The following ZC4H2 variants were observed in gnomAD, a reference collection of about 807,000 sequenced individuals.
ZC4H2 encodes the protein zinc finger C4H2 domain-containing protein.
For missense variants in ZC4H2, 137 were observed against 173.9 expected, an observed-to-expected ratio of 0.79 and a Z score of 1.19; for synonymous variants, 84 against 66.3, an observed-to-expected ratio of 1.27 and a Z score of -1.30.
At chrX:64,990,442 T>C (rs1484037758) in intron 1 of ZC4H2, among the ~76,000 whole-genome samples, 1 of 111,432 alleles carries the variant, frequency 9.0e-6, no homozygotes, top group African/African-American at 3.3e-5. Context: ...TTCTGTATCT[T>C]GATTATATTA....
At chrX:64,947,856 TTTTG>T (rs1470368703) in intron 1 of ZC4H2, among the ~76,000 whole-genome samples, 1 of 110,729 alleles carries the variant, frequency 9.0e-6, no homozygotes, top group Non-Finnish European at 1.9e-5. Flanking sequence ...TTTTTTTTTT[TTTTG>T]TTTATAAATC....
At chrX:64,930,770 T>C (rs1602390715) in intron 1 of ZC4H2, among the ~76,000 whole-genome samples, 2 of 111,830 alleles carry the variant, frequency 1.8e-5, no homozygotes, top group East Asian at 5.6e-4. Context: ...GGGTAGCTAG[T>C]ATTTTGCTGA....
chrX:64,928,415 C>T (rs766403166), intron 1 of ZC4H2, among the ~76,000 whole-genome samples: 2 of 111,849 alleles, frequency 1.8e-5, no homozygotes, highest in Non-Finnish European at 3.8e-5. Context: ...TCAGGTTTGT[C>T]AAAGATCAGA....
At chrX:64,920,973 T>C (rs982256563) in intron 2 of ZC4H2, among the ~76,000 whole-genome samples, 40 of 112,274 alleles carry the variant, frequency 3.6e-4, no homozygotes, top group Non-Finnish European at 1.1e-4. Flanking sequence ...CCTGTATCAT[T>C]GGTTAGCTGG....
intron 1 of ZC4H2, among the ~76,000 whole-genome samples, chrX:65,018,862 C>T (rs942537814): frequency 1.3e-4 from 14 of 111,455 alleles, no homozygotes; most frequent in Admixed American, 5.7e-4. Flanking sequence ...GGGGCGTCTG[C>T]CATTGCTGAG....
intron 1 of ZC4H2, among the ~76,000 whole-genome samples, chrX:64,968,711 G>A (rs770685959): frequency 6.3e-5 from 7 of 111,577 alleles, no homozygotes; most frequent in Non-Finnish European, 1.1e-4. Context: ...GGTACTTTAG[G>A]GTTTCTACAG....
intron 1 of ZC4H2, among the ~76,000 whole-genome samples, chrX:64,968,922 C>T (rs1931682725): frequency 1.8e-5 from 2 of 111,630 alleles, no homozygotes; most frequent in African/African-American, 6.5e-5. Flanking sequence ...CTTGGTCTCT[C>T]CTTCCAAGAT....
chrX:65,025,607 C>T (rs1045418705), intron 1 of ZC4H2, among the ~76,000 whole-genome samples: 1 of 111,175 alleles, frequency 9.0e-6, no homozygotes, highest in African/African-American at 3.3e-5. Context: ...CAACCAATGC[C>T]CCAAAATATG....
At chrX:64,982,927 C>T (rs1223810246) in intron 1 of ZC4H2, among the ~76,000 whole-genome samples, 2 of 112,376 alleles carry the variant, frequency 1.8e-5, no homozygotes, top group Admixed American at 1.9e-4. Flanking sequence ...AAACAATAGA[C>T]CAAACCTTAT....
chrX:65,027,595 G>A (rs1932892432), intron 1 of ZC4H2, among the ~76,000 whole-genome samples: 2 of 111,265 alleles, frequency 1.8e-5, no homozygotes, highest in South Asian at 7.7e-4. Flanking sequence ...TGACCTTTAT[G>A]TTTTTGGTTT....
chrX:64,944,803 T>C (rs952352195), intron 1 of ZC4H2, among the ~76,000 whole-genome samples: 4 of 112,171 alleles, frequency 3.6e-5, no homozygotes, highest in Non-Finnish European at 7.5e-5. Context: ...TCTAATCTTG[T>C]CTTCATGCTT....
intron 1 of ZC4H2, among the ~76,000 whole-genome samples, chrX:64,988,931 T>TTCTA (rs201432572): frequency 0.23 from 25,877 of 110,951 alleles, 7,420 homozygotes; most frequent in African/African-American, 0.81. Flanking sequence ...AGTTTCAGCT[T>TTCTA]TATATGGCTA....
intron 1 of ZC4H2, among the ~76,000 whole-genome samples, chrX:64,996,468 G>T (rs188121937): frequency 1.8e-5 from 2 of 110,734 alleles, no homozygotes; most frequent in African/African-American, 3.3e-5. Flanking sequence ...AACAGGAAAA[G>T]AAAGCTTATT....
chrX:64,949,182 A>G (rs186322767), intron 1 of ZC4H2, among the ~76,000 whole-genome samples: 50 of 111,865 alleles, frequency 4.5e-4, no homozygotes, highest in African/African-American at 1.6e-3. Flanking sequence ...TGCCAGGGTG[A>G]AATTTTGCTT....
At chrX:64,942,620 T>C (rs1209841844) in intron 1 of ZC4H2, among the ~76,000 whole-genome samples, 1 of 110,538 alleles carries the variant, frequency 9.0e-6, no homozygotes, top group Non-Finnish European at 1.9e-5. Flanking sequence ...CTGAGAATGA[T>C]GGTTTTCAGC....
intron 1 of ZC4H2, among the ~76,000 whole-genome samples, chrX:64,952,548 T>C (rs181848084): frequency 3.0e-3 from 328 of 111,164 alleles, no homozygotes; most frequent in Admixed American, 5.0e-3. Flanking sequence ...AGCCAAATCA[T>C]GAGTGAACTC....
intron 1 of ZC4H2, among the ~76,000 whole-genome samples, chrX:64,962,657 C>CA (rs1283918101): frequency 9.0e-6 from 1 of 111,216 alleles, no homozygotes; most frequent in African/African-American, 3.3e-5. Flanking sequence ...CAAAAAATTC[C>CA]AAAAAGATTG....
At chrX:64,940,230 A>T (rs7887272) in intron 1 of ZC4H2, among the ~76,000 whole-genome samples, 25,176 of 111,016 alleles carry the variant, frequency 0.23, 6,876 homozygotes, top group African/African-American at 0.78. Context: ...TCTGTTCATA[A>T]CCTTCACCCA....
intron 1 of ZC4H2, among the ~76,000 whole-genome samples, chrX:64,960,634 T>C (rs1181559645): frequency 8.9e-6 from 1 of 112,386 alleles, no homozygotes; most frequent in Non-Finnish European, 1.9e-5. Flanking sequence ...AAACTGATAC[T>C]AAGTATAGGA....
Sources: gnomAD v4.1 joint callset for allele counts (sites outside exome capture counted in the v4.1 genomes callset) on GRCh38, gnomAD v4.1.1 for gene constraint, MANE v1.5 for transcripts, NCBI Gene and HGNC (gene_info 2026-07-23, HGNC 2026-07-21) for gene names.